Variants in C2CD2 observed in about 807,000 individuals in gnomAD.
The protein encoded by C2CD2 is C2 domain-containing protein 2.
A neutral mutation model predicts 74.3 loss-of-function variants in C2CD2; 43 were observed. That is an observed-to-expected ratio of 0.58 (90% CI 0.45 to 0.75). The LOEUF is 0.75. Ranked by LOEUF, C2CD2 falls within the 30% of genes least tolerant of loss-of-function variation. The pLI, the probability that C2CD2 is intolerant of heterozygous loss-of-function variation, is 0.00. For synonymous variants in C2CD2, 422 were observed against 390.7 expected, an observed-to-expected ratio of 1.08 and a Z score of -0.94; for missense variants, 801 against 916.3, an observed-to-expected ratio of 0.87 and a Z score of 1.63.
intron 1 of C2CD2, among the ~76,000 whole-genome samples, chr21:41,947,342 A>G (rs910098317): frequency 2.0e-5 from 3 of 151,902 alleles, no homozygotes; most frequent in Admixed American, 1.3e-4. Flanking sequence ...ATTTTAGTAG[A>G]GATGGGGTTT....
chr21:41,914,469 C>T (rs567114648), intron 6 of C2CD2, 129 bp downstream of exon 6: 6 of 662,026 alleles, frequency 9.1e-6, no homozygotes, highest in South Asian at 2.2e-5. Context: ...TTTCTGCAAC[C>T]GTGGCAGGGC....
chr21:41,897,331 C>T (rs969773369), intron 13 of C2CD2, among the ~76,000 whole-genome samples: 2 of 152,164 alleles, frequency 1.3e-5, no homozygotes, highest in African/African-American at 4.8e-5. Context: ...AACGGGCCAT[C>T]CAGTCAGGTA....
At chr21:41,931,599 T>C (rs2065261960) in intron 2 of C2CD2, among the ~76,000 whole-genome samples, 1 of 149,508 alleles carries the variant, frequency 6.7e-6, no homozygotes, top group Admixed American at 6.7e-5. Flanking sequence ...ATTTTTTGTA[T>C]GTTAGTAGAG....
At chr21:41,904,689 G>A (rs377675) in intron 11 of C2CD2, among the ~76,000 whole-genome samples, 6,675 of 152,216 alleles carry the variant, frequency 0.044, 485 homozygotes, top group African/African-American at 0.15. Flanking sequence ...ACCAGGCTGA[G>A]AATCCAACAC....
In C2CD2 at chr21:41,926,483, G is replaced by A; in HGVS notation, c.379-4398C>T. 1 of 792,036 alleles carries A rather than the reference G, an allele frequency of 1.3e-6. No homozygotes were observed. The highest frequency in any genetic ancestry group is 1.5e-6 in the Non-Finnish European group (1 of 653,178). 49.1% of individuals were successfully genotyped at this position (792,036 alleles called of 1,614,324 possible). The stretch of plus-strand genomic sequence containing the variant: ...CGGGGAGGGGAAAACAAGACTGAAG[G>A]CTGAAGAGCAGGCTGAGCGGGGAGG... On this transcript the variant is annotated intron_variant, in intron 2 of 13. Transcript: ENST00000380486. This position sits in a 1 kb window ranked among gnomAD's most constrained non-coding sequence, Gnocchi z 8.0.
chr21:41,888,191 G>C lies in C2CD2; in HGVS notation c.*933C>G, dbSNP rs1420063333. ...ATAATTTCCTCTATTGCCCTAAAAA[G>C]ACTTTGTTTTGGCTACTGGCAGCAC... On this transcript the variant is annotated 3_prime_UTR_variant, in exon 14 of 14. Coordinates refer to ENST00000380486, the MANE Select transcript of C2CD2 (RefSeq NM_015500.2). 6.6e-6 allele frequency: 1 copy of C among 152,542 alleles called. No homozygotes were observed. Among genetic ancestry groups the C allele is most frequent in the East Asian group, 1.9e-4 (1 of 5,196 alleles). 9.4% of individuals were successfully genotyped at this position (152,542 alleles called of 1,614,324 possible).
Position 41,895,902 on chromosome 21 carries a change from C to T in C2CD2, c.1870+3151G>A, listed in dbSNP as rs562084691. ...ATTTCAACTGGAACCACAGATGGTC[C>T]GTTGATAGAAGCGACTACTTTTTAG... On this transcript the variant is annotated intron_variant, in intron 13 of 13. Transcript: ENST00000380486. This position sits in a 1 kb window ranked among gnomAD's most constrained non-coding sequence, Gnocchi z 5.0. Among the ~76,000 whole-genome samples the T allele has an allele frequency of 2.0e-5, 3 of 152,312 alleles. No homozygotes were observed. Among genetic ancestry groups the T allele is most frequent in the South Asian group, 4.1e-4 (2 of 4,824 alleles).
In C2CD2 at chr21:41,888,091, T is replaced by A. The variant is rs1206646963; in HGVS notation, c.*1033A>T. ...TCACAGCAAAATTCTGAAGCGCTCATAGAAGGAATGTCCTGCGAGTTTGGC... is the reference window on the plus strand; with the variant it reads ...TCACAGCAAAATTCTGAAGCGCTCAAAGAAGGAATGTCCTGCGAGTTTGGC... On this transcript the variant is annotated 3_prime_UTR_variant, in exon 14 of 14. Transcript: ENST00000380486. 6.6e-6 allele frequency: 1 copy of A among 152,650 alleles called. No individual in the cohort carries two copies. Among genetic ancestry groups the A allele is most frequent in the South Asian group, 2.1e-4 (1 of 4,836 alleles). 9.5% of individuals were successfully genotyped at this position (152,650 alleles called of 1,614,324 possible).
At chr21:41,946,500 TG>T (rs2065398792) in intron 1 of C2CD2, among the ~76,000 whole-genome samples, 1 of 152,170 alleles carries the variant, frequency 6.6e-6, no homozygotes, top group Non-Finnish European at 1.5e-5. Flanking sequence ...CCTCCTGCTC[TG>T]GGTCATAGAA....
intron 2 of C2CD2, among the ~76,000 whole-genome samples, chr21:41,925,023 T>G (rs1286213802): frequency 6.6e-6 from 1 of 152,168 alleles, no homozygotes; most frequent in African/African-American, 2.4e-5. Context: ...ACTAAGGTAA[T>G]GTAATCTCTA....
intron 6 of C2CD2, among the ~76,000 whole-genome samples, chr21:41,913,518 C>T (rs1002227414): frequency 6.6e-6 from 1 of 152,184 alleles, no homozygotes; most frequent in Non-Finnish European, 1.5e-5. Context: ...GGACCCCAAC[C>T]CTGACCGACC....
Position 41,897,804 on chromosome 21 carries a change from A to C in C2CD2, c.1870+1249T>G, listed in dbSNP as rs549674763. On this transcript the variant is annotated intron_variant, in intron 13 of 13. Transcript: ENST00000380486. ...AGGACAGACTCAGACAGTCCAGCCCATGGCAGGCTGTGGGCTTTGGCACCA... is the reference window on the plus strand; with the variant it reads ...AGGACAGACTCAGACAGTCCAGCCCCTGGCAGGCTGTGGGCTTTGGCACCA... 3.9e-5 allele frequency among the ~76,000 whole-genome samples: 6 copies of C among 152,300 alleles called. No homozygotes were observed. In the South Asian group the frequency reaches 1.2e-3, roughly 32 times the overall value.
intron 2 of C2CD2, among the ~76,000 whole-genome samples, chr21:41,941,308 C>G (rs182216889): frequency 6.6e-6 from 1 of 152,172 alleles, no homozygotes. Context: ...GTACAGTAAG[C>G]TGATGCCCCT....
chr21:41,921,727 G>A (rs1364262300), intron 3 of C2CD2, among the ~76,000 whole-genome samples: 3 of 151,702 alleles, frequency 2.0e-5, no homozygotes, highest in Admixed American at 6.6e-5. Context: ...GCCCGAAAGA[G>A]GCAACCCCTG....
Position 41,924,619 on chromosome 21 carries a change from C to A in C2CD2, c.379-2534G>T, listed in dbSNP as rs1003431567. ...ACATGCTTTGTGGCCAGATGAGTTA[C>A]ACGCACCAATGGCATGACACTGAGA... On this transcript the variant is annotated intron_variant, in intron 2 of 13. Coordinates refer to ENST00000380486, the MANE Select transcript of C2CD2 (RefSeq NM_015500.2). The surrounding 1 kb of genome is among the most constrained non-coding windows in gnomAD (Gnocchi z 4.4). Among the ~76,000 whole-genome samples, 1 of 152,180 alleles carries A rather than the reference C, an allele frequency of 6.6e-6. No homozygotes were observed. The highest frequency in any genetic ancestry group is 2.4e-5 in the African/African-American group (1 of 41,444).
At chr21:41,914,538 C>A in intron 6 of C2CD2, 60 bp downstream of exon 6, 5 of 1,522,430 alleles carry the variant, frequency 3.3e-6, no homozygotes, top group Non-Finnish European at 4.5e-6. Context: ...CCGGAGCCCC[C>A]GACTCTGCTC....
intron 1 of C2CD2, among the ~76,000 whole-genome samples, chr21:41,947,591 G>T (rs1601606645): frequency 6.6e-6 from 1 of 152,164 alleles, no homozygotes; most frequent in Admixed American, 6.5e-5. Flanking sequence ...TATGAAAGTT[G>T]AATTATTTTT....
chr21:41,926,130 G>A lies in C2CD2; in HGVS notation c.379-4045C>T, dbSNP rs1279383250. ...GGAGTGAACCCCCAGCCCCAGGGAA[G>A]AACTCCACAGAGCCCAGGTCTGCAT... On this transcript the variant is annotated intron_variant, in intron 2 of 13. Transcript: ENST00000380486. This position sits in a 1 kb window ranked among gnomAD's most constrained non-coding sequence, Gnocchi z 8.0. 2.0e-5 allele frequency among the ~76,000 whole-genome samples: 3 copies of A among 152,228 alleles called. No individual in the cohort carries two copies. Among genetic ancestry groups the A allele is most frequent in the Non-Finnish European group, 4.4e-5 (3 of 68,040 alleles).
In C2CD2 at chr21:41,931,864, A is replaced by G. The variant is rs71320504; in HGVS notation, c.379-9779T>C. Among the ~76,000 whole-genome samples, 493 of 111,198 alleles carry G rather than the reference A, an allele frequency of 4.4e-3. 4 individuals carry two copies. The highest frequency in any genetic ancestry group is 0.021 in the Middle Eastern group (4 of 188). 73.0% of individuals were successfully genotyped at this position (111,198 alleles called of 152,430 possible). The stretch of plus-strand genomic sequence containing the variant: ...CCAACATCCCACCACTCCACCTCCA[A>G]CATCCCACCACCCCACCTCCAGCAT... On this transcript the variant is annotated intron_variant, in intron 2 of 13. Coordinates refer to ENST00000380486, the MANE Select transcript of C2CD2 (RefSeq NM_015500.2).
Sources: gnomAD v4.1 joint callset for allele counts (sites outside exome capture counted in the v4.1 genomes callset) on GRCh38, gnomAD v4.1.1 for gene constraint, Gnocchi (gnomAD v3.1) non-coding constraint, MANE v1.5 for transcripts, NCBI Gene and HGNC (gene_info 2026-07-23, HGNC 2026-07-21) for gene names.